EPHA2: variants seen among roughly 807,000 people sequenced by gnomAD.
The protein encoded by EPHA2 is EPH receptor A2.
EPHA2 carries 54 observed loss-of-function variants against 104.9 expected under a neutral mutation model. The observed-to-expected ratio is 0.51, with a 90% CI of 0.41 to 0.65. EPHA2 has a LOEUF of 0.65. EPHA2 is among the 30% of genes least tolerant of loss of function. EPHA2 has a pLI of 0.00. For missense variants in EPHA2, 1,117 were observed against 1,369.5 expected (o/e 0.82, Z 2.91); for synonymous variants, 560 against 559.1 (o/e 1.00, Z -0.02).
rs2124259676 is a variant in EPHA2 at position 16,148,323 on chromosome 1, A to C, written c.823+55T>G. The C allele has an allele frequency of 6.2e-7, 1 of 1,601,648 alleles. No individual in the cohort carries two copies. Among genetic ancestry groups the C allele is most frequent in the Non-Finnish European group, 8.5e-7 (1 of 1,174,848 alleles). On this transcript the variant is annotated intron_variant, in intron 3 of 16. Transcript: ENST00000358432. The surrounding 1 kb of genome is among the most constrained non-coding windows in gnomAD (Gnocchi z 4.9). Reference sequence around the variant, plus strand: ...AGATTCCATGATTCCAAAGCTAAAGACCAGAACCTGGGAATGCAGAACCCC... The same window carrying C: ...AGATTCCATGATTCCAAAGCTAAAGCCCAGAACCTGGGAATGCAGAACCCC...
rs57471177 is a variant in EPHA2, at chr1:16,128,840, C to T, written c.2825+594G>A. Among the ~76,000 whole-genome samples, 2,692 of 152,156 alleles carry T rather than the reference C, an allele frequency of 0.018. 91 individuals are homozygous for T. The highest frequency in any genetic ancestry group is 0.06 in the African/African-American group (2,478 of 41,516). On this transcript the variant is annotated intron_variant, in intron 16 of 16. Coordinates refer to ENST00000358432, the MANE Select transcript of EPHA2 (RefSeq NM_004431.5). The surrounding 1 kb of genome is among the most constrained non-coding windows in gnomAD (Gnocchi z 4.7). ...AGCCAACCAAGTGGAGAGAGGTGCC[C>T]GGGGTAGGCCAGGGGTTCTCTCTCC...
intron 16 of EPHA2, among the ~76,000 whole-genome samples, chr1:16,129,177 T>C (rs2024525789): frequency 6.6e-6 from 1 of 151,176 alleles, no homozygotes; most frequent in Admixed American, 6.6e-5. Flanking sequence ...AAACAGTAGC[T>C]ACTGTTATGA....
chr1:16,133,700 G>C, intron 9 of EPHA2, 94 bp from the exon 10 acceptor site: 19 of 1,580,600 alleles, frequency 1.2e-5, no homozygotes, highest in Non-Finnish European at 1.6e-5. Flanking sequence ...GATCTTCAGA[G>C]ACTTGGACCA....
At position 16,134,600 on chromosome 1, in the gene EPHA2, T is replaced by C. The variant is rs775810739; in HGVS notation, c.1583-33A>G. 5.6e-6 allele frequency: 9 copies of C among 1,607,780 alleles called. No individual in the cohort carries two copies. The highest frequency in any genetic ancestry group is 6.8e-6 in the Non-Finnish European group (8 of 1,175,728). On this transcript the variant is annotated intron_variant, in intron 7 of 16. Coordinates refer to ENST00000358432, the MANE Select transcript of EPHA2 (RefSeq NM_004431.5). The surrounding 1 kb of genome is among the most constrained non-coding windows in gnomAD (Gnocchi z 4.5). ...AAGAAATCAGCTGATGACAAGGGAG[T>C]TCCCCCACAAATTACAGCAACACCC...
chr1:16,148,668 A>C lies in EPHA2; in HGVS notation c.533T>G (p.Phe178Cys). Residue 178 changes from phenylalanine (F) to cysteine (C), a missense_variant, in exon 3 of 17, where the codon TTC (phenylalanine) becomes TGC (cysteine). This residue lies in a region of EPHA2 where 664 missense variants were observed against 784.8 expected (regional missense o/e 0.85). Transcript: ENST00000358432. This position sits in a 1 kb window ranked among gnomAD's most constrained non-coding sequence, Gnocchi z 4.9. ...ACCGATATCCTGGAAGGCCAGGTAG[A>C]AGCCTTTGCGGGTGAGCGGCCCCAC... ...RSVGPLTRKG[F>C]YLAFQDIGAC... 3.7e-6 allele frequency: 6 copies of C among 1,610,508 alleles called. No individual in the cohort carries two copies. Among genetic ancestry groups the C allele is most frequent in the Non-Finnish European group, 5.1e-6 (6 of 1,180,022 alleles).
At chr1:16,155,802 G>A (rs939640878) in intron 1 of EPHA2, 46 bp downstream of exon 1, 17 of 1,330,250 alleles carry the variant, frequency 1.3e-5, no homozygotes, top group Middle Eastern at 3.9e-4. Context: ...GCTCTAGGGG[G>A]CACTGGGGCC....
chr1:16,133,744 C>T (rs577474107), intron 9 of EPHA2, 116 bp downstream of exon 9: 16 of 1,487,820 alleles, frequency 1.1e-5, no homozygotes, highest in East Asian at 2.5e-5. Flanking sequence ...GAGCTGCCCA[C>T]GGAAGCCTGT....
In EPHA2 at chr1:16,128,477, T is replaced by C. The variant is rs192586819; in HGVS notation, c.2825+957A>G. On this transcript the variant is annotated intron_variant, in intron 16 of 16. Coordinates refer to ENST00000358432, the MANE Select transcript of EPHA2 (RefSeq NM_004431.5). This position sits in a 1 kb window ranked among gnomAD's most constrained non-coding sequence, Gnocchi z 4.7. ...ATGAACAGGCTCAAATCCCAGAACTTCTGTGACCTAGAACCATGGGAGGCC... is the reference window on the plus strand; with the variant it reads ...ATGAACAGGCTCAAATCCCAGAACTCCTGTGACCTAGAACCATGGGAGGCC... Among the ~76,000 whole-genome samples the C allele has an allele frequency of 5.5e-3, 842 of 152,206 alleles. 4 individuals are homozygous for C. Among genetic ancestry groups the C allele is most frequent in the Non-Finnish European group, 7.5e-3 (509 of 67,986 alleles).
At chr1:16,127,571 C>T (rs548143940) in intron 16 of EPHA2, among the ~76,000 whole-genome samples, 29 of 152,170 alleles carry the variant, frequency 1.9e-4, no homozygotes, top group Non-Finnish European at 3.7e-4. Flanking sequence ...GGGAAAGGCA[C>T]GCATTCCCCT....
Position 16,135,468 on chromosome 1 carries a change from C to T in EPHA2, c.1428+187G>A, listed in dbSNP as rs1204273168. On this transcript the variant is annotated intron_variant, in intron 6 of 16. Transcript: ENST00000358432. The surrounding 1 kb of genome is among the most constrained non-coding windows in gnomAD (Gnocchi z 4.3). ...GCCTCTTCCAAGGACGCCATGTCTT[C>T]TCTCGTACAAATCTCTGCTGTGCTG... 1 of 734,460 alleles carries T rather than the reference C, an allele frequency of 1.4e-6. No homozygotes were observed. Among genetic ancestry groups the T allele is most frequent in the African/African-American group, 1.7e-5 (1 of 57,754 alleles). The allele number at this position is 734,460 out of a possible 1,614,324, so 45.5% of individuals were successfully genotyped here. A position where few individuals can be genotyped will look rare whatever the true frequency, so the allele number is the denominator to read the frequency against.
rs2024506147 is a variant in EPHA2, at chr1:16,128,288, C to CATCCTGTGATCCTGTG, written c.2825+1145_2825+1146insCACAGGATCACAGGAT. Among the ~76,000 whole-genome samples, 1 of 152,212 alleles carries CATCCTGTGATCCTGTG rather than the reference C, an allele frequency of 6.6e-6. No individual in the cohort carries two copies. Among genetic ancestry groups the CATCCTGTGATCCTGTG allele is most frequent in the African/African-American group, 2.4e-5 (1 of 41,454 alleles). ...TGCTGGGCTGGCGGGCAGCAAAAGA[C>CATCCTGTGATCCTGTG]ATCCTGTGATCCATCTCCCCTCCCT... On this transcript the variant is annotated intron_variant, in intron 16 of 16. Transcript: ENST00000358432. The surrounding 1 kb of genome is among the most constrained non-coding windows in gnomAD (Gnocchi z 4.7).
At chr1:16,133,943 G>A in intron 8 of EPHA2, 28 bp from the exon 9 acceptor site, 1 of 1,550,294 alleles carries the variant, frequency 6.5e-7, no homozygotes, top group Non-Finnish European at 8.7e-7. Flanking sequence ...GGAACCAAAT[G>A]CAGGGAGGTC....
rs373556557 is a variant in EPHA2 at position 16,131,576 on chromosome 1, G to A, written c.2475+145C>T. The A allele has an allele frequency of 1.6e-4, 184 of 1,172,454 alleles. No homozygotes were observed. The highest frequency in any genetic ancestry group is 1.9e-4 in the Non-Finnish European group (158 of 850,562). The allele number at this position is 1,172,454 out of a possible 1,614,324, so 72.6% of individuals were successfully genotyped here. ...GCCTGGGCAACAAGAGCAAAACTCC[G>A]TCTCCAAAAAAAAAAAATAAACATT... On this transcript the variant is annotated intron_variant, in intron 14 of 16. Coordinates refer to ENST00000358432, the MANE Select transcript of EPHA2 (RefSeq NM_004431.5). The surrounding 1 kb of genome is among the most constrained non-coding windows in gnomAD (Gnocchi z 5.2).
intron 1 of EPHA2, among the ~76,000 whole-genome samples, chr1:16,152,313 G>A (rs566985128): frequency 7.2e-4 from 110 of 152,256 alleles, no homozygotes; most frequent in Middle Eastern, 3.4e-3. Flanking sequence ...CTTGAAGACC[G>A]CCTCCTGAAG....
chr1:16,151,069 C>A, intron 1 of EPHA2, 106 bp from the exon 2 acceptor site: 3 of 1,049,460 alleles, frequency 2.9e-6, no homozygotes, highest in Non-Finnish European at 4.4e-6. Flanking sequence ...TCAGACAGAG[C>A]GAGAGGGACC....
At chr1:16,133,788 T>TGCCCCCACC in intron 9 of EPHA2, 72 bp downstream of exon 9, 2 of 1,497,216 alleles carry the variant, frequency 1.3e-6, no homozygotes, top group Non-Finnish European at 1.8e-6. Context: ...ACACCCTGGC[T>TGCCCCCACC]GCCCCCACCT....
Position 16,156,003 on chromosome 1 carries a change from C to A in EPHA2, c.-71G>T. On this transcript the variant is annotated 5_prime_UTR_variant, in exon 1 of 17. Coordinates refer to ENST00000358432, the MANE Select transcript of EPHA2 (RefSeq NM_004431.5). The stretch of plus-strand genomic sequence containing the variant: ...GCACACCCGCACGCCTGCACGCCGG[C>A]CTCGGTGTCCGCTCCCGCCCGCCGG... 1 of 1,312,158 alleles carries A rather than the reference C, an allele frequency of 7.6e-7. No homozygotes were observed. Among genetic ancestry groups the A allele is most frequent in the Non-Finnish European group, 9.9e-7 (1 of 1,005,202 alleles). 81.3% of individuals were successfully genotyped at this position (1,312,158 alleles called of 1,614,324 possible).
At chr1:16,149,717 T>C (rs767069615) in intron 2 of EPHA2, among the ~76,000 whole-genome samples, 11 of 152,180 alleles carry the variant, frequency 7.2e-5, no homozygotes, top group Non-Finnish European at 1.5e-4. Context: ...ATGTTCCCTT[T>C]ACCCTGTACC....
chr1:16,126,078 G>C (rs1405572598), intron 16 of EPHA2, among the ~76,000 whole-genome samples: 1 of 152,174 alleles, frequency 6.6e-6, no homozygotes, highest in Non-Finnish European at 1.5e-5. Context: ...TCCATCTGGA[G>C]GGCGAGAGAC....
Sources: gnomAD v4.1 joint callset for allele counts (sites outside exome capture counted in the v4.1 genomes callset) on GRCh38, gnomAD v4.1.1 for gene constraint, gnomAD v4.1.1 regional missense constraint, Gnocchi (gnomAD v3.1) non-coding constraint, MANE v1.5 for transcripts, NCBI Gene and HGNC (gene_info 2026-07-23, HGNC 2026-07-21) for gene names.